PIP5K1B: variants seen among roughly 807,000 people sequenced by gnomAD.
PIP5K1B encodes the protein phosphatidylinositol-4-phosphate 5-kinase type 1 beta, also known as phosphatidylinositol 4-phosphate 5-kinase type-1 beta.
A neutral mutation model predicts 67.0 loss-of-function variants in PIP5K1B; 42 were observed. The observed-to-expected ratio is 0.63, with a 90% confidence interval of 0.49 to 0.81. PIP5K1B has a LOEUF of 0.81. PIP5K1B is among the 30% of genes least tolerant of loss of function. The pLI, the probability that PIP5K1B is intolerant of heterozygous loss-of-function variation, is 0.00. For synonymous variants in PIP5K1B, 214 were observed against 231.4 expected, an observed-to-expected ratio of 0.92 and a Z score of 0.68; for missense variants, 459 against 646.3, an observed-to-expected ratio of 0.71 and a Z score of 3.14.
intron 4 of PIP5K1B, among the ~76,000 whole-genome samples, chr9:68,833,301 C>T (rs1257942629): frequency 6.6e-6 from 1 of 152,230 alleles, no homozygotes; most frequent in East Asian, 1.9e-4. Flanking sequence ...GTGAAGGAGG[C>T]AGTCAAGATA....
At chr9:68,770,142 G>A (rs35075578) in intron 2 of PIP5K1B, among the ~76,000 whole-genome samples, 5,288 of 152,238 alleles carry the variant, frequency 0.035, 250 homozygotes, top group African/African-American at 0.1. Flanking sequence ...AAAGGTCTTC[G>A]CTGGCTTCTG....
chr9:68,965,338 C>A (rs992889071), intron 14 of PIP5K1B, among the ~76,000 whole-genome samples: 1 of 152,162 alleles, frequency 6.6e-6, no homozygotes, highest in Non-Finnish European at 1.5e-5. Context: ...GAAAGGCTAA[C>A]GTTCTAATAG....
At chr9:68,814,139 C>G (rs1298964216) in intron 2 of PIP5K1B, among the ~76,000 whole-genome samples, 1 of 152,198 alleles carries the variant, frequency 6.6e-6, no homozygotes, top group East Asian at 1.9e-4. Context: ...CTAGGCTAAA[C>G]TGGCTCCCTG....
chr9:68,926,666 G>A (rs1470958927), intron 12 of PIP5K1B, among the ~76,000 whole-genome samples: 2 of 152,010 alleles, frequency 1.3e-5, no homozygotes, highest in South Asian at 4.2e-4. Flanking sequence ...CTGCCTCCTG[G>A]GTTCAAGTGA....
intron 2 of PIP5K1B, among the ~76,000 whole-genome samples, chr9:68,811,959 G>A (rs1489157373): frequency 6.6e-6 from 1 of 152,160 alleles, no homozygotes; most frequent in Admixed American, 6.5e-5. Context: ...TCAGTGTGTG[G>A]CCCCAGAAGC....
intron 14 of PIP5K1B, among the ~76,000 whole-genome samples, chr9:68,968,796 A>T (rs1829182326): frequency 6.6e-6 from 1 of 151,708 alleles, no homozygotes; most frequent in African/African-American, 2.4e-5. Flanking sequence ...ATCCTATCTC[A>T]GCTCCCAGTT....
chr9:68,914,486 C>T (rs567774828), intron 8 of PIP5K1B, among the ~76,000 whole-genome samples: 8 of 152,230 alleles, frequency 5.3e-5, no homozygotes, highest in South Asian at 2.1e-4. Context: ...GAGGCTGAGG[C>T]GGGCAGATCA....
intron 2 of PIP5K1B, among the ~76,000 whole-genome samples, chr9:68,774,758 T>G (rs1830832255): frequency 6.6e-6 from 1 of 152,232 alleles, no homozygotes; most frequent in Admixed American, 6.5e-5. Context: ...ATCCTGTATG[T>G]GTACTGCTAC....
intron 6 of PIP5K1B, among the ~76,000 whole-genome samples, chr9:68,882,080 G>A (rs907593066): frequency 2.0e-5 from 3 of 151,964 alleles, no homozygotes; most frequent in Non-Finnish European, 4.4e-5. Context: ...ATAGCAGGGA[G>A]ACCCTGCAGG....
chr9:68,916,405 G>A (rs1826094082), intron 8 of PIP5K1B, among the ~76,000 whole-genome samples: 1 of 152,158 alleles, frequency 6.6e-6, no homozygotes, highest in African/African-American at 2.4e-5. Context: ...TTTGTCTCCT[G>A]TCATTTTCTT....
chr9:68,842,768 C>T (rs1364932187), intron 4 of PIP5K1B, among the ~76,000 whole-genome samples: 1 of 152,202 alleles, frequency 6.6e-6, no homozygotes, highest in Admixed American at 6.5e-5. Flanking sequence ...CAGCTCCACA[C>T]ATCAAAGAAG....
rs541278347 is a variant in PIP5K1B, at chr9:68,865,355, A to G, written c.200+1388A>G. Among the ~76,000 whole-genome samples, 3 of 151,932 alleles carry G rather than the reference A, an allele frequency of 2.0e-5. No individual in the cohort carries two copies. In the South Asian group the frequency reaches 6.2e-4, roughly 32 times the overall value. On this transcript the variant is annotated intron_variant, in intron 5 of 15. Transcript: ENST00000265382. ...TTTTTCTCTTAAAAGCCAGGGGGTC[A>G]TGAGTTTATCTTCATCTTTTGGTAT...
At chr9:68,762,196 A>C (rs1393194446) in intron 2 of PIP5K1B, among the ~76,000 whole-genome samples, 1 of 152,064 alleles carries the variant, frequency 6.6e-6, no homozygotes, top group Non-Finnish European at 1.5e-5. Context: ...AAAGACAGAA[A>C]CTATGTCCTT....
chr9:68,732,916 T>TG (rs34627705), intron 1 of PIP5K1B, among the ~76,000 whole-genome samples: 250 of 102,092 alleles, frequency 2.4e-3, no homozygotes, highest in Middle Eastern at 6.0e-3. Flanking sequence ...GGAGGTGGGT[T>TG]GGGGGGGGGG....
intron 11 of PIP5K1B, among the ~76,000 whole-genome samples, chr9:68,920,741 CCTT>C (rs1442357332): frequency 2.6e-5 from 4 of 151,640 alleles, no homozygotes; most frequent in Non-Finnish European, 4.4e-5. Context: ...CTTTCTCTCT[CCTT>C]CTTTCTCCCA....
chr9:68,741,301 C>G (rs975310683), intron 1 of PIP5K1B, among the ~76,000 whole-genome samples: 1 of 152,092 alleles, frequency 6.6e-6, no homozygotes, highest in African/African-American at 2.4e-5. Flanking sequence ...TTATCCAAAA[C>G]TAGATTTCCT....
intron 2 of PIP5K1B, among the ~76,000 whole-genome samples, chr9:68,794,396 TTCTTTC>T (rs1031566951): frequency 2.0e-5 from 3 of 150,588 alleles, no homozygotes; most frequent in Admixed American, 6.6e-5. Context: ...TTTCTTTTCT[TTCTTTC>T]TTTCTTTCTT....
At chr9:68,877,318 T>C (rs1328733083) in intron 6 of PIP5K1B, among the ~76,000 whole-genome samples, 1 of 152,326 alleles carries the variant, frequency 6.6e-6, no homozygotes, top group East Asian at 1.9e-4. Flanking sequence ...GATTTGTCTG[T>C]GCTCTTCATC....
chr9:68,855,374 A>G (rs1822716323), intron 4 of PIP5K1B, among the ~76,000 whole-genome samples: 1 of 152,146 alleles, frequency 6.6e-6, no homozygotes. Context: ...GGTTTTCAAT[A>G]TCATTTATAT....
Sources: gnomAD v4.1 joint callset for allele counts (sites outside exome capture counted in the v4.1 genomes callset) on GRCh38, gnomAD v4.1.1 for gene constraint, MANE v1.5 for transcripts, NCBI Gene and HGNC (gene_info 2026-07-23, HGNC 2026-07-21) for gene names.